Variants in LRFN5 observed in about 807,000 individuals in gnomAD.
LRFN5 encodes leucine rich repeat and fibronectin type III domain containing 5.
A neutral mutation model predicts 45.6 loss-of-function variants in LRFN5; 24 were observed. The observed-to-expected ratio is 0.53, with a 90% CI of 0.38 to 0.74. LRFN5 has a LOEUF of 0.74. Ranked by LOEUF, LRFN5 falls within the 30% of genes least tolerant of loss-of-function variation. The probability of loss-of-function intolerance (pLI) is 0.00; values close to 1 mark genes in which losing one functional copy is unlikely to be tolerated. For synonymous variants in LRFN5, 340 were observed against 313.8 expected (o/e 1.08, Z -0.88); for missense variants, 776 against 861.5 (o/e 0.90, Z 1.24).
At chr14:41,812,189 G>T (rs1887759750) in intron 2 of LRFN5, among the ~76,000 whole-genome samples, 2 of 151,942 alleles carry the variant, frequency 1.3e-5, no homozygotes. Flanking sequence ...AAATCCATAT[G>T]TACTTGTATA....
At chr14:41,664,834 G>T (rs142775561) in intron 1 of LRFN5, among the ~76,000 whole-genome samples, 1 of 151,750 alleles carries the variant, frequency 6.6e-6, no homozygotes, top group Non-Finnish European at 1.5e-5. Flanking sequence ...TAACATGTTG[G>T]TATTGATTGA....
intron 1 of LRFN5, among the ~76,000 whole-genome samples, chr14:41,644,506 G>A (rs75329496): frequency 0.013 from 1,934 of 152,138 alleles, 10 homozygotes; most frequent in African/African-American, 0.015. Flanking sequence ...CTTAATATGC[G>A]TCCAGTTTTG....
chr14:41,865,950 A>G (rs911238604), intron 2 of LRFN5, among the ~76,000 whole-genome samples: 1 of 152,186 alleles, frequency 6.6e-6, no homozygotes, highest in South Asian at 2.1e-4. Flanking sequence ...ATGTTCTTGA[A>G]TACCAGACCC....
At chr14:41,885,254 G>C (rs1566503978) in intron 2 of LRFN5, among the ~76,000 whole-genome samples, 1 of 150,998 alleles carries the variant, frequency 6.6e-6, no homozygotes, top group South Asian at 2.1e-4. Flanking sequence ...GAGCTGAGGA[G>C]GTCGAGACTG....
chr14:41,904,298 C>T lies in LRFN5; in HGVS notation c.*123C>T. On this transcript the variant is annotated 3_prime_UTR_variant, in exon 6 of 6. Transcript: ENST00000298119. ...GAACTGGTGTCGTAGAAGAAATTGT[C>T]TACAGGAGCCAAGGTGAAAGTCTCT... 8.6e-7 allele frequency: 1 copy of T among 1,163,542 alleles called. No homozygotes were observed. Among genetic ancestry groups the T allele is most frequent in the Non-Finnish European group, 1.3e-6 (1 of 789,222 alleles). The allele number at this position is 1,163,542 out of a possible 1,614,324, so 72.1% of individuals were successfully genotyped here. A position where few individuals can be genotyped will look rare whatever the true frequency, so the allele number is the denominator to read the frequency against.
chr14:41,695,798 A>G (rs751541572), intron 1 of LRFN5, among the ~76,000 whole-genome samples: 7 of 152,000 alleles, frequency 4.6e-5, no homozygotes, highest in South Asian at 2.1e-4. Flanking sequence ...ATAGAGATGT[A>G]CGAGGAGATT....
chr14:41,713,072 G>A (rs1883351263), intron 1 of LRFN5, among the ~76,000 whole-genome samples: 1 of 152,230 alleles, frequency 6.6e-6, no homozygotes, highest in African/African-American at 2.4e-5. Context: ...AATCTATGCA[G>A]ATATGAAAAC....
intron 1 of LRFN5, among the ~76,000 whole-genome samples, chr14:41,609,349 A>G (rs1887635369): frequency 6.7e-6 from 1 of 148,578 alleles, no homozygotes; most frequent in African/African-American, 2.6e-5. Context: ...TGTTTGTTTT[A>G]TCCCTGTATA....
chr14:41,830,454 C>G (rs1888440214), intron 2 of LRFN5, among the ~76,000 whole-genome samples: 1 of 152,070 alleles, frequency 6.6e-6, no homozygotes, highest in African/African-American at 2.4e-5. Context: ...GATTTCAATA[C>G]TGCTGTTTGA....
At chr14:41,698,062 A>T (rs1329478374) in intron 1 of LRFN5, among the ~76,000 whole-genome samples, 1 of 151,950 alleles carries the variant, frequency 6.6e-6, no homozygotes, top group East Asian at 1.9e-4. Context: ...TGAAGGGGAT[A>T]GTTGTAAACA....
intron 2 of LRFN5, among the ~76,000 whole-genome samples, chr14:41,779,200 T>C (rs1438579673): frequency 6.6e-6 from 1 of 151,790 alleles, no homozygotes; most frequent in African/African-American, 2.4e-5. Flanking sequence ...GAATTTTTAT[T>C]ATGAAAAGAT....
intron 1 of LRFN5, among the ~76,000 whole-genome samples, chr14:41,759,572 A>T (rs765286458): frequency 1.3e-5 from 2 of 152,114 alleles, no homozygotes; most frequent in Non-Finnish European, 1.5e-5. Flanking sequence ...AGACAAGCAC[A>T]GGTAAAGACT....
rs530892041 is a variant in LRFN5, at chr14:41,650,288, A to C, written c.-197+41726A>C. ...ACACAAAAAAAAAAAAGATACTTGCAACACAGATGAGAGATAGAGGTTTAA... is the reference window on the plus strand; with the variant it reads ...ACACAAAAAAAAAAAAGATACTTGCCACACAGATGAGAGATAGAGGTTTAA... On this transcript the variant is annotated intron_variant, in intron 1 of 5. Coordinates refer to ENST00000298119, the MANE Select transcript of LRFN5 (RefSeq NM_152447.5). Among the ~76,000 whole-genome samples, 80 of 142,700 alleles carry C rather than the reference A, an allele frequency of 5.6e-4. 1 individual carries two copies. The highest frequency in any genetic ancestry group is 1.9e-3 in the African/African-American group (77 of 39,808). 93.6% of individuals were successfully genotyped at this position (142,700 alleles called of 152,430 possible). A position where few individuals can be genotyped will look rare whatever the true frequency, so the allele number is the denominator to read the frequency against.
In LRFN5 at chr14:41,657,379, G is replaced by A. The variant is rs75312621; in HGVS notation, c.-197+48817G>A. Among the ~76,000 whole-genome samples, 1,383 of 151,836 alleles carry A rather than the reference G, an allele frequency of 9.1e-3. 6 individuals are homozygous for A. The highest frequency in any genetic ancestry group is 0.015 in the East Asian group (75 of 5,166). On this transcript the variant is annotated intron_variant, in intron 1 of 5. Transcript: ENST00000298119. ...CCTGTATATTTATACTGTCCATTTC[G>A]GTTTTATCTTGAATGATGTAAAAGC...
intron 4 of LRFN5, chr14:41,892,282 T>C: frequency 5.1e-6 from 5 of 978,410 alleles, no homozygotes; most frequent in Non-Finnish European, 6.1e-6. Flanking sequence ...ATCAACCTTC[T>C]CAGGTACAGT....
chr14:41,805,176 C>T (rs1887476470), intron 2 of LRFN5, among the ~76,000 whole-genome samples: 1 of 149,312 alleles, frequency 6.7e-6, no homozygotes. Flanking sequence ...GCTTTTGAAG[C>T]AAAGGTTTGG....
intron 1 of LRFN5, among the ~76,000 whole-genome samples, chr14:41,734,316 T>TATATATATATATATA (rs1884314909): frequency 2.8e-4 from 11 of 38,798 alleles, no homozygotes; most frequent in African/African-American, 5.3e-4. Flanking sequence ...TGGACTGGTT[T>TATATATATATATATA]TATATATATA....
chr14:41,754,181 G>A (rs1191860317), intron 1 of LRFN5, among the ~76,000 whole-genome samples: 1 of 152,118 alleles, frequency 6.6e-6, no homozygotes, highest in Non-Finnish European at 1.5e-5. Context: ...TTTTATTGAG[G>A]ATTTTTGCAT....
intron 2 of LRFN5, among the ~76,000 whole-genome samples, chr14:41,800,293 G>T (rs375994354): frequency 2.0e-5 from 3 of 150,878 alleles, no homozygotes; most frequent in Non-Finnish European, 4.4e-5. Flanking sequence ...GAAACCAAAA[G>T]AAATTATTGG....
Sources: gnomAD v4.1 joint callset for allele counts (sites outside exome capture counted in the v4.1 genomes callset) on GRCh38, gnomAD v4.1.1 for gene constraint, MANE v1.5 for transcripts, NCBI Gene and HGNC (gene_info 2026-07-23, HGNC 2026-07-21) for gene names.